Variants in ACTR3C observed in about 807,000 individuals in gnomAD.
ACTR3C encodes actin-related protein 3C.
In ACTR3C, 18 loss-of-function variants were observed where a neutral mutation model predicts 26.3. That is an observed-to-expected ratio of 0.68 (90% confidence interval 0.47 to 1.01). The LOEUF is 1.01. Ranked by LOEUF, ACTR3C falls within the 50% of genes least tolerant of loss-of-function variation. The pLI, the probability that ACTR3C is intolerant of heterozygous loss-of-function variation, is 0.00. For missense variants in ACTR3C, 184 were observed against 250.7 expected (o/e 0.73, Z 1.80); for synonymous variants, 55 against 94.5 (o/e 0.58, Z 2.42).
At chr7:149,959,103 AGAG>A in the ACTR3C span, among the ~76,000 whole-genome samples, 564 of 152,294 alleles carry the variant, frequency 3.7e-3, 6 homozygotes, top group Non-Finnish European at 3.2e-3. Context: ...GTGCCCTGTG[AGAG>A]GAGAAGTGGA....
At chr7:150,219,396 A>C in the ACTR3C span, among the ~76,000 whole-genome samples, 427 of 147,934 alleles carry the variant, frequency 2.9e-3, 14 homozygotes, top group African/African-American at 0.011. Context: ...GTTTAAAAAA[A>C]TATATAAATA....
chr7:149,946,564 T>C, the ACTR3C span, among the ~76,000 whole-genome samples: 1 of 152,176 alleles, frequency 6.6e-6, no homozygotes, highest in Admixed American at 6.5e-5. Context: ...CCTTGGCTGT[T>C]TCCAGGGCTT....
the ACTR3C span, among the ~76,000 whole-genome samples, chr7:150,017,977 T>C: frequency 6.6e-6 from 1 of 150,400 alleles, no homozygotes; most frequent in African/African-American, 2.5e-5. Flanking sequence ...TGTCTTTTTT[T>C]ACAAATCTCT....
chr7:149,963,854 G>A, the ACTR3C span, among the ~76,000 whole-genome samples: 8 of 152,188 alleles, frequency 5.3e-5, no homozygotes, highest in African/African-American at 1.9e-4. Flanking sequence ...TAAGGCCTCT[G>A]ACACATTCCT....
chr7:150,060,712 G>T, the ACTR3C span, among the ~76,000 whole-genome samples: 6 of 152,242 alleles, frequency 3.9e-5, no homozygotes, highest in Non-Finnish European at 8.8e-5. Flanking sequence ...GCTCAGAAAT[G>T]CAAGCTCCGT....
At chr7:149,906,561 A>T in the ACTR3C span, among the ~76,000 whole-genome samples, 1 of 150,952 alleles carries the variant, frequency 6.6e-6, no homozygotes, top group Non-Finnish European at 1.5e-5. Flanking sequence ...CCTCCCGAGT[A>T]GCTGGGATTA....
the ACTR3C span, among the ~76,000 whole-genome samples, chr7:149,953,089 CA>C: frequency 6.7e-6 from 1 of 148,414 alleles, no homozygotes; most frequent in Non-Finnish European, 1.5e-5. Context: ...AGCTATAGCC[CA>C]AGAAATGAAT....
At chr7:150,181,611 TTA>T in the ACTR3C span, among the ~76,000 whole-genome samples, 17,800 of 149,752 alleles carry the variant, frequency 0.12, 2,282 homozygotes, top group African/African-American at 0.26. Flanking sequence ...AAAAAAAAGT[TTA>T]TATATATATA....
At chr7:149,930,308 G>A in the ACTR3C span, among the ~76,000 whole-genome samples, 4 of 152,156 alleles carry the variant, frequency 2.6e-5, no homozygotes, top group South Asian at 4.1e-4. Context: ...CAGAAAGTAC[G>A]CATTCAAGTA....
At chr7:150,123,614 A>ACACAC in the ACTR3C span, among the ~76,000 whole-genome samples, 711 of 85,596 alleles carry the variant, frequency 8.3e-3, 12 homozygotes, top group African/African-American at 0.025. Context: ...CACACACACA[A>ACACAC]ACACACACCC....
At chr7:150,153,155 G>A in the ACTR3C span, among the ~76,000 whole-genome samples, 37 of 152,268 alleles carry the variant, frequency 2.4e-4, no homozygotes, top group Admixed American at 5.2e-4. Context: ...TCAGGACATA[G>A]GCATGGGCGA....
chr7:150,110,431 AGGTGGGGCTGCCTGAG>A, the ACTR3C span, among the ~76,000 whole-genome samples: 10 of 103,692 alleles, frequency 9.6e-5, no homozygotes, highest in Admixed American at 5.9e-4. Context: ...GGCTGGAAGC[AGGTGGGGCTGCCTGAG>A]GGTGGGGCTG....
the ACTR3C span, among the ~76,000 whole-genome samples, chr7:150,079,932 G>T: frequency 6.6e-6 from 1 of 152,130 alleles, no homozygotes; most frequent in Non-Finnish European, 1.5e-5. Context: ...TTTGGGGCTG[G>T]AGGTCATCTC....
chr7:149,985,221 C>CACACACACACACACACAT, the ACTR3C span, among the ~76,000 whole-genome samples: 5 of 140,238 alleles, frequency 3.6e-5, no homozygotes, highest in African/African-American at 1.3e-4. Flanking sequence ...CACACACACA[C>CACACACACACACACACAT]ACACACACAC....
At chr7:149,976,443 A>G in the ACTR3C span, among the ~76,000 whole-genome samples, 1 of 151,944 alleles carries the variant, frequency 6.6e-6, no homozygotes, top group Non-Finnish European at 1.5e-5. Flanking sequence ...GCATGGTGGC[A>G]GACACCTGTA....
the ACTR3C span, among the ~76,000 whole-genome samples, chr7:150,059,665 CTTATGT>C: frequency 7.6e-4 from 115 of 152,274 alleles, no homozygotes; most frequent in Non-Finnish European, 1.4e-3. Flanking sequence ...AAATAACACT[CTTATGT>C]TTATCTGCAC....
chr7:149,953,111 C>T, the ACTR3C span, among the ~76,000 whole-genome samples: 6 of 148,364 alleles, frequency 4.0e-5, no homozygotes, highest in Non-Finnish European at 8.9e-5. Flanking sequence ...GCCAAGCAGC[C>T]ATTAAGACAA....
chr7:150,246,468 C>A (rs1004851309), downstream of ACTR3C: 2 of 152,068 alleles, frequency 1.3e-5, no homozygotes, highest in African/African-American at 4.8e-5. Flanking sequence ...TTGTGTGACA[C>A]GGGGGACTTG....
chr7:150,064,645 CACAT>C, the ACTR3C span, among the ~76,000 whole-genome samples: 512 of 95,558 alleles, frequency 5.4e-3, 1 homozygote, highest in Middle Eastern at 0.016. Context: ...TGTTTATTTT[CACAT>C]ACACACACAC....
Sources: gnomAD v4.1 joint callset for allele counts (sites outside exome capture counted in the v4.1 genomes callset) on GRCh38, gnomAD v4.1.1 for gene constraint, MANE v1.5 for transcripts, NCBI Gene and HGNC (gene_info 2026-07-23, HGNC 2026-07-21) for gene names.